Variants in BMS1 observed in about 807,000 individuals in gnomAD.
BMS1 encodes the protein BMS1 ribosome biogenesis factor.
Under a neutral mutation model 138.7 loss-of-function variants are expected in BMS1, and 53 were observed. That is an observed-to-expected ratio of 0.38 (90% CI 0.31 to 0.48). The LOEUF is 0.48. BMS1 is among the 20% of genes least tolerant of loss of function. The pLI, the probability that BMS1 is intolerant of heterozygous loss-of-function variation, is 0.97. For missense variants in BMS1, 1,360 were observed against 1,565.5 expected (o/e 0.87, Z 2.22); for synonymous variants, 504 against 539.9 (o/e 0.93, Z 0.92).
At position 42,802,195 on chromosome 10, in the gene BMS1, C is replaced by T; in HGVS notation, c.2306C>T (p.Ala769Val). 1 of 1,613,412 alleles carries T rather than the reference C, an allele frequency of 6.2e-7. No individual in the cohort carries two copies. ...VTGKWEDDKD[A>V]AKVLAEDEEL... Reference sequence around the variant, plus strand: ...GGAAAGTGGGAAGATGATAAAGATGCAGCCAAGGTCTTAGCAGAAGATGGT... The same window carrying T: ...GGAAAGTGGGAAGATGATAAAGATGTAGCCAAGGTCTTAGCAGAAGATGGT... Residue 769 changes from alanine to valine, a missense_variant, in exon 13 of 23, where the codon GCA becomes GTA. Around this residue, in one of 3 missense-constraint regions of BMS1, gnomAD observed 697 missense variants for 686.2 expected, o/e 1.02. Coordinates refer to ENST00000374518, the MANE Select transcript of BMS1 (RefSeq NM_014753.4).
At chr10:42,797,811 G>GAAAAATATTCCTGCCCAT (rs1373436453) in intron 11 of BMS1, among the ~76,000 whole-genome samples, 2 of 152,164 alleles carry the variant, frequency 1.3e-5, no homozygotes, top group East Asian at 3.9e-4. Flanking sequence ...ATTAGTGCCA[G>GAAAAATATTCCTGCCCAT]AAAAATATTC....
chr10:42,794,925 C>A (rs992484203), intron 9 of BMS1, among the ~76,000 whole-genome samples: 10 of 152,114 alleles, frequency 6.6e-5, no homozygotes, highest in Non-Finnish European at 1.3e-4. Flanking sequence ...CTGCCCACCC[C>A]ACAACAGTCC....
chr10:42,808,185 C>T (rs887808154), intron 13 of BMS1, among the ~76,000 whole-genome samples: 1 of 151,828 alleles, frequency 6.6e-6, no homozygotes, highest in Non-Finnish European at 1.5e-5. Context: ...ACTCCATCGT[C>T]GGATGTGTGA....
chr10:42,811,641 C>T (rs950804316), intron 13 of BMS1, among the ~76,000 whole-genome samples: 3 of 146,300 alleles, frequency 2.1e-5, no homozygotes, highest in Non-Finnish European at 4.5e-5. Context: ...TCTCCTGCCT[C>T]AGCCTCCCAA....
At chr10:42,813,147 C>A (rs778658266) in intron 13 of BMS1, among the ~76,000 whole-genome samples, 2 of 152,192 alleles carry the variant, frequency 1.3e-5, no homozygotes, top group Non-Finnish European at 2.9e-5. Flanking sequence ...GGATATCTTT[C>A]TCCATTCTTT....
intron 12 of BMS1, among the ~76,000 whole-genome samples, chr10:42,801,653 G>T (rs966475218): frequency 6.6e-6 from 1 of 152,212 alleles, no homozygotes; most frequent in Non-Finnish European, 1.5e-5. Context: ...TCTTCATATT[G>T]TTTGCCCATT....
Position 42,793,049 on chromosome 10 carries a change from G to T in BMS1, c.994G>T (p.Glu332Ter). 1 of 1,614,084 alleles carries T rather than the reference G, an allele frequency of 6.2e-7. No homozygotes were observed. The highest frequency in any genetic ancestry group is 8.5e-7 in the Non-Finnish European group (1 of 1,179,974). The change falls in exon 8 of 23, where the codon GAG (glutamate) becomes TAG (stop). Residue 332 changes from glutamate to a stop codon, truncating the protein, a stop_gained. Coordinates refer to ENST00000374518, the MANE Select transcript of BMS1 (RefSeq NM_014753.4). LOFTEE classifies it high-confidence loss of function. ...QQKKRCLNEK[E>*]KLVYAPLSGV... Reference sequence around the variant, plus strand: ...AAAGAAGCGCTGTTTAAATGAGAAGGAGAAGCTGGTTTATGCGCCTCTTTC... The same window carrying T: ...AAAGAAGCGCTGTTTAAATGAGAAGTAGAAGCTGGTTTATGCGCCTCTTTC...
At chr10:42,826,515 G>A (rs1842650554) in intron 21 of BMS1, among the ~76,000 whole-genome samples, 1 of 152,192 alleles carries the variant, frequency 6.6e-6, no homozygotes. Context: ...GAATGATGGA[G>A]CACTACTGTG....
chr10:42,797,866 C>T (rs1322540475), intron 11 of BMS1, among the ~76,000 whole-genome samples: 3 of 152,154 alleles, frequency 2.0e-5, no homozygotes, highest in Non-Finnish European at 4.4e-5. Flanking sequence ...AGAATGAGAA[C>T]CCTGTATAAC....
intron 3 of BMS1, among the ~76,000 whole-genome samples, chr10:42,786,682 T>C (rs1429064701): frequency 6.6e-6 from 1 of 151,868 alleles, no homozygotes; most frequent in African/African-American, 2.4e-5. Flanking sequence ...TGCCTTGGCC[T>C]CCCAAGTTGC....
chr10:42,798,686 T>G (rs1336070186), intron 12 of BMS1, 61 bp downstream of exon 12: 9 of 1,586,582 alleles, frequency 5.7e-6, no homozygotes, highest in Non-Finnish European at 6.9e-6. Flanking sequence ...AGAATAAGAT[T>G]ATCTGATGTC....
rs1325371324 is a variant in BMS1 at position 42,826,238 on chromosome 10, TG to T, written c.3456+2455del. 3.2e-3 allele frequency among the ~76,000 whole-genome samples: 5 copies of T among 1,578 alleles called. No homozygotes were observed. The East Asian group carries it at 0.047, about 15-fold the overall frequency. 1.0% of individuals were successfully genotyped at this position (1,578 alleles called of 152,430 possible). ...AAGTTGACCTGTAGTTTTTGTTTGT[TG>T]TGTGTGTGTGTGTGTGTGTGTGTGT... On this transcript the variant is annotated intron_variant, in intron 21 of 22. Transcript: ENST00000374518.
At chr10:42,810,593 T>C (rs968539717) in intron 13 of BMS1, among the ~76,000 whole-genome samples, 1 of 152,212 alleles carries the variant, frequency 6.6e-6, no homozygotes, top group African/African-American at 2.4e-5. Flanking sequence ...TCTTTAAATA[T>C]TTGGTGTAAT....
intron 1 of BMS1, among the ~76,000 whole-genome samples, chr10:42,783,447 T>C (rs2132285329): frequency 6.6e-6 from 1 of 152,362 alleles, no homozygotes; most frequent in Admixed American, 6.5e-5. Context: ...GCAAGTCAGA[T>C]AATAGCTGTA....
At position 42,791,769 on chromosome 10, in the gene BMS1, G is replaced by A; in HGVS notation, c.779G>A (p.Arg260Lys). The A allele has an allele frequency of 1.3e-6, 2 of 1,593,954 alleles. No homozygotes were observed. Among genetic ancestry groups the A allele is most frequent in the Non-Finnish European group, 1.7e-6 (2 of 1,174,914 alleles). ...TCTCACCCTTATATCCTGGCAGACA[G>A]GTAAAATATGATTTTAAGCTTTTTC... ...QTSHPYILAD[R>K]MEDLTNPEDI... The change falls in exon 6 of 23, where the codon AGG (arginine) becomes AAG (lysine). Residue 260 changes from arginine to lysine, a missense_variant and splice_region_variant. Physicochemically the swap from Arg to Lys is conservative, Grantham distance 26 (BLOSUM62 2). Coordinates refer to ENST00000374518, the MANE Select transcript of BMS1 (RefSeq NM_014753.4).
At chr10:42,821,295 T>C (rs919199727) in intron 18 of BMS1, among the ~76,000 whole-genome samples, 4 of 152,052 alleles carry the variant, frequency 2.6e-5, no homozygotes, top group Non-Finnish European at 2.9e-5. Flanking sequence ...TGAGGAGCCA[T>C]CAGAGACTCC....
intron 13 of BMS1, among the ~76,000 whole-genome samples, chr10:42,813,625 G>T (rs79392260): frequency 6.6e-6 from 1 of 152,114 alleles, no homozygotes; most frequent in Non-Finnish European, 1.5e-5. Context: ...GGATTGTCTC[G>T]TGTATGTATC....
chr10:42,792,242 C>T (rs971429716), intron 6 of BMS1, among the ~76,000 whole-genome samples: 4 of 152,150 alleles, frequency 2.6e-5, no homozygotes, highest in Admixed American at 6.5e-5. Context: ...CACTCTTCCC[C>T]GACCCCAGGT....
chr10:42,806,737 G>GAAAAAAAAAAAAAAAAAA, intron 13 of BMS1, among the ~76,000 whole-genome samples: 1 of 99,420 alleles, frequency 1.0e-5, no homozygotes, highest in Non-Finnish European at 2.1e-5. Context: ...TCCGTCTCAG[G>GAAAAAAAAAAAAAAAAAA]AAAAAAAAAA....
Sources: gnomAD v4.1 joint callset for allele counts (sites outside exome capture counted in the v4.1 genomes callset) on GRCh38, gnomAD v4.1.1 for gene constraint, gnomAD v4.1.1 regional missense constraint, MANE v1.5 for transcripts, NCBI Gene and HGNC (gene_info 2026-07-23, HGNC 2026-07-21) for gene names.